ZFHX3: variants seen among roughly 807,000 people sequenced by gnomAD.
The protein encoded by ZFHX3 is zinc finger homeobox protein 3.
A neutral mutation model predicts 279.1 loss-of-function variants in ZFHX3; 42 were observed. The observed-to-expected ratio is 0.15, with a 90% confidence interval of 0.12 to 0.19. ZFHX3 has a LOEUF of 0.19. Among genes scored for constraint, ZFHX3 ranks in the 10% least tolerant of loss-of-function variants. The pLI is 1.00. For synonymous variants in ZFHX3, 2,293 were observed against 1,957.8 expected (o/e 1.17, Z -4.52); for missense variants, 4,981 against 4,754.0 (o/e 1.05, Z -1.40).
chr16:73,423,351 C>G (rs1219082980), intron 3 of ZFHX3, among the ~76,000 whole-genome samples: 1 of 152,166 alleles, frequency 6.6e-6, no homozygotes. Flanking sequence ...TTGGCTGCAG[C>G]TGACAAAGGT....
chr16:73,842,740 G>T (rs973753545), intron 1 of ZFHX3, among the ~76,000 whole-genome samples: 1 of 152,086 alleles, frequency 6.6e-6, no homozygotes, highest in Non-Finnish European at 1.5e-5. Context: ...ACACACGGAG[G>T]TTCCAGGGTA....
intron 5 of ZFHX3, among the ~76,000 whole-genome samples, chr16:72,821,418 G>T (rs2143669639): frequency 6.6e-6 from 1 of 152,320 alleles, no homozygotes; most frequent in Middle Eastern, 3.4e-3. Flanking sequence ...TAATATCAGT[G>T]CTGCTTTCCG....
At chr16:73,106,616 G>A (rs1437887639) in intron 7 of ZFHX3, among the ~76,000 whole-genome samples, 1 of 152,160 alleles carries the variant, frequency 6.6e-6, no homozygotes, top group Non-Finnish European at 1.5e-5. Flanking sequence ...ATCTTGCACG[G>A]CAATAACTAG....
chr16:73,594,186 G>A (rs1030932494), intron 2 of ZFHX3, among the ~76,000 whole-genome samples: 1 of 151,684 alleles, frequency 6.6e-6, no homozygotes, highest in Non-Finnish European at 1.5e-5. Context: ...CTAAATCAAT[G>A]GACAATAAAC....
chr16:73,815,146 G>A (rs1231381190), intron 1 of ZFHX3, among the ~76,000 whole-genome samples: 1 of 152,180 alleles, frequency 6.6e-6, no homozygotes, highest in Non-Finnish European at 1.5e-5. Flanking sequence ...GTAGAATAAT[G>A]AGAACGATGC....
At chr16:72,960,426 G>A (rs1200243393) in intron 1 of ZFHX3, among the ~76,000 whole-genome samples, 4 of 152,204 alleles carry the variant, frequency 2.6e-5, no homozygotes, top group Non-Finnish European at 5.9e-5. Flanking sequence ...TATGGGGAAA[G>A]AAGGCCAGGA....
intron 2 of ZFHX3, chr16:73,499,704 A>C (rs553502764): frequency 3.8e-4 from 58 of 152,340 alleles, no homozygotes; most frequent in African/African-American, 1.3e-3. Flanking sequence ...AAACAGGAAA[A>C]ATATCCAACT....
At chr16:73,641,126 T>C (rs2052569318) in intron 2 of ZFHX3, among the ~76,000 whole-genome samples, 1 of 152,174 alleles carries the variant, frequency 6.6e-6, no homozygotes, top group South Asian at 2.1e-4. Flanking sequence ...AATAAAGATA[T>C]TTTTAGACAG....
At chr16:73,302,394 C>T (rs960113536) in intron 4 of ZFHX3, among the ~76,000 whole-genome samples, 2 of 152,150 alleles carry the variant, frequency 1.3e-5, no homozygotes, top group African/African-American at 2.4e-5. Flanking sequence ...TCTCAAATTG[C>T]CCCCAGAGCC....
chr16:72,868,185 G>T (rs1360929683), intron 4 of ZFHX3, among the ~76,000 whole-genome samples: 1 of 152,236 alleles, frequency 6.6e-6, no homozygotes, highest in African/African-American at 2.4e-5. Context: ...CAGTGGTACA[G>T]ATTCACTGCT....
At chr16:72,933,673 A>G (rs989935043) in intron 3 of ZFHX3, among the ~76,000 whole-genome samples, 3 of 151,784 alleles carry the variant, frequency 2.0e-5, no homozygotes, top group African/African-American at 4.8e-5. Flanking sequence ...CCTCAACTAC[A>G]GTTTTCTTTT....
At chr16:73,172,403 C>T (rs1056331694) in intron 5 of ZFHX3, among the ~76,000 whole-genome samples, 1 of 152,226 alleles carries the variant, frequency 6.6e-6, no homozygotes, top group Non-Finnish European at 1.5e-5. Flanking sequence ...CGAACTTTCC[C>T]ATGCCACCGT....
In ZFHX3 at chr16:72,797,722, G is replaced by T; in HGVS notation, c.4960C>A (p.Pro1654Thr). Reference protein sequence around the residue: ...SISLSSSTPSPVSTSGSNTFT... With the variant: ...SISLSSSTPSTVSTSGSNTFT... ...GTGTTACTGCCACTGGTGCTCACAG[G>T]ACTTGGCGTGGAGGAGCTCAAGGAA... Residue 1654 changes from proline to threonine, a missense_variant, in exon 9 of 10, where the codon CCT (proline) becomes ACT (threonine). Transcript: ENST00000268489. 3 of 1,614,148 alleles carry T rather than the reference G, an allele frequency of 1.9e-6. No homozygotes were observed. The highest frequency in any genetic ancestry group is 2.5e-6 in the Non-Finnish European group (3 of 1,180,032).
intron 2 of ZFHX3, among the ~76,000 whole-genome samples, chr16:73,501,023 G>A (rs1248598738): frequency 6.6e-6 from 1 of 152,196 alleles, no homozygotes; most frequent in Non-Finnish European, 1.5e-5. Context: ...TTTATAGTAA[G>A]GGTCCTACAC....
At chr16:73,839,560 A>C (rs1242117016) in intron 1 of ZFHX3, among the ~76,000 whole-genome samples, 2 of 152,174 alleles carry the variant, frequency 1.3e-5, no homozygotes, top group African/African-American at 4.8e-5. Context: ...TCAATGGAAT[A>C]CATGTGTACA....
intron 1 of ZFHX3, among the ~76,000 whole-genome samples, chr16:73,770,242 A>T (rs2142291596): frequency 6.6e-6 from 1 of 152,340 alleles, no homozygotes; most frequent in African/African-American, 2.4e-5. Flanking sequence ...AATGTTAGAA[A>T]TACTCTGCCA....
chr16:73,226,304 G>A (rs529483302), intron 5 of ZFHX3, among the ~76,000 whole-genome samples: 12 of 152,304 alleles, frequency 7.9e-5, no homozygotes, highest in African/African-American at 2.6e-4. Flanking sequence ...AAGACAGCGC[G>A]GAACTCTAAG....
chr16:73,128,005 G>C (rs1242975263), intron 7 of ZFHX3, among the ~76,000 whole-genome samples: 1 of 152,180 alleles, frequency 6.6e-6, no homozygotes, highest in East Asian at 1.9e-4. Context: ...CTGCATACTA[G>C]TGTTGATATG....
rs905650130 is a variant in ZFHX3, at chr16:73,627,706, C to G, written c.-1547+52474G>C. Among the ~76,000 whole-genome samples the G allele has an allele frequency of 1.1e-4, 16 of 152,158 alleles. 1 individual carries two copies. Among genetic ancestry groups the G allele is most frequent in the Non-Finnish European group, 1.5e-5 (1 of 68,036 alleles). On this transcript the variant is annotated intron_variant, in intron 2 of 17. Transcript: ENST00000641206. Reference sequence around the variant, plus strand: ...GGCCGAGGCAGGTGGATCACGAGGTCAGGAGATTAAGACTATCCTGGCTAA... The same window carrying G: ...GGCCGAGGCAGGTGGATCACGAGGTGAGGAGATTAAGACTATCCTGGCTAA...
Sources: allele counts gnomAD v4.1 joint callset (sites outside exome capture counted in the v4.1 genomes callset), GRCh38; gene constraint gnomAD v4.1.1; transcripts MANE v1.5; gene names NCBI Gene and HGNC (gene_info 2026-07-23, HGNC 2026-07-21).